The following UNC13B variants were observed in gnomAD, a reference collection of about 807,000 sequenced individuals.
UNC13B encodes unc-13 homolog B, also known as protein unc-13 homolog B.
In UNC13B, 144 loss-of-function variants were observed where a neutral mutation model predicts 211.0. That is an observed-to-expected ratio of 0.68 (90% CI 0.60 to 0.78). The LOEUF is 0.78. Ranked by LOEUF, UNC13B falls within the 30% of genes least tolerant of loss-of-function variation. UNC13B has a pLI of 0.00. For missense variants in UNC13B, 1,777 were observed against 2,002.0 expected (o/e 0.89, Z 2.14); for synonymous variants, 709 against 725.8 (o/e 0.98, Z 0.37).
At chr9:35,358,823 A>G (rs938998252) in intron 11 of UNC13B, among the ~76,000 whole-genome samples, 9 of 150,566 alleles carry the variant, frequency 6.0e-5, no homozygotes, top group African/African-American at 2.2e-4. Flanking sequence ...CCTTCTGAGT[A>G]GACTAGCTGG....
At chr9:35,380,741 C>G in intron 18 of UNC13B, 102 bp downstream of exon 18, 1 of 1,458,664 alleles carries the variant, frequency 6.9e-7, no homozygotes. Context: ...CAAAGCATAC[C>G]TCTATACAGA....
intron 24 of UNC13B, 76 bp from the exon 25 acceptor site, chr9:35,389,770 G>A: frequency 6.5e-7 from 1 of 1,529,500 alleles, no homozygotes; most frequent in East Asian, 2.3e-5. Context: ...GGAAGAGAAA[G>A]AGGATCGTTG....
intron 11 of UNC13B, chr9:35,351,584 T>C: frequency 8.1e-7 from 1 of 1,232,258 alleles, no homozygotes. Flanking sequence ...GGGACCCTCC[T>C]CCAGGCTTTC....
chr9:35,162,768 TC>T (rs1197075447), intron 1 of UNC13B, among the ~76,000 whole-genome samples: 82 of 152,292 alleles, frequency 5.4e-4, no homozygotes, highest in African/African-American at 1.8e-3. Context: ...GCTTGTCTTG[TC>T]CCCTGCCACT....
intron 25 of UNC13B, 109 bp downstream of exon 25, chr9:35,390,082 T>C (rs1835436923): frequency 6.5e-7 from 1 of 1,535,874 alleles, no homozygotes; most frequent in South Asian, 1.2e-5. Context: ...CTCTTCTTCC[T>C]GTCCATCCAT....
In UNC13B at chr9:35,162,096, A is replaced by G; in HGVS notation, c.-188A>G. On this transcript the variant is annotated 5_prime_UTR_variant, in exon 1 of 40. Coordinates refer to ENST00000635942, the MANE Select transcript of UNC13B (RefSeq NM_001371189.2). The stretch of plus-strand genomic sequence containing the variant: ...CCGGCCGGTACTCACCGCTACCCGG[A>G]GTTCGCTCAGACGGTGAGATTTGGG... The G allele has an allele frequency of 2.4e-6, 2 of 824,796 alleles. No homozygotes were observed. The highest frequency in any genetic ancestry group is 3.8e-6 in the Non-Finnish European group (2 of 530,022). 51.1% of individuals were successfully genotyped at this position (824,796 alleles called of 1,614,324 possible).
At position 35,274,482 on chromosome 9, in the gene UNC13B, A is replaced by T. The variant is rs1032642680; in HGVS notation, c.526+15432A>T. Among the ~76,000 whole-genome samples the T allele has an allele frequency of 5.3e-5, 8 of 152,322 alleles. No individual in the cohort carries two copies. In the South Asian group the frequency reaches 8.3e-4, roughly 16 times the overall value. ...CTCACCATAATTGAATTTTGAAGGG[A>T]CAGAACTCAGAAAATCTGTCCTCTG... On this transcript the variant is annotated intron_variant, in intron 7 of 39. Coordinates refer to ENST00000635942, the MANE Select transcript of UNC13B (RefSeq NM_001371189.2).
In UNC13B at chr9:35,384,281, C is replaced by T. The variant is rs773644789; in HGVS notation, c.10842C>T (p.His3614=). The T allele has an allele frequency of 6.2e-7, 1 of 1,614,058 alleles. No homozygotes were observed. The highest frequency in any genetic ancestry group is 2.2e-5 in the East Asian group (1 of 44,888). ...ERFVKLLDQL[H]NSLRIDLSTY... ...TTGTAAAACTGCTGGACCAGCTACA[C>T]AACTCACTGAGGATCGACCTCTCTA... Residue 3614 remains histidine, a synonymous_variant, in exon 22 of 40, where the codon CAC becomes CAT. Transcript: ENST00000635942.
rs1258727140 is a variant in UNC13B, at chr9:35,257,360, TAAATATTTATA to T, written c.469-1621_469-1611del. Among the ~76,000 whole-genome samples the T allele has an allele frequency of 4.7e-3, 14 of 2,972 alleles. No homozygotes were observed. In the South Asian group the frequency reaches 0.28, roughly 60 times the overall value. 1.9% of individuals were successfully genotyped at this position (2,972 alleles called of 152,430 possible). ...ATAAATATTTATAAAAATATTTATA[TAAATATTTATA>T]AAATATTTATATAAATATTTATAAA... On this transcript the variant is annotated intron_variant, in intron 6 of 39. Transcript: ENST00000635942.
chr9:35,353,937 C>G, intron 11 of UNC13B: 1 of 504,914 alleles, frequency 2.0e-6, no homozygotes, highest in Non-Finnish European at 3.1e-6. Flanking sequence ...TTGAATCAGG[C>G]TAAATTACTC....
At chr9:35,343,032 T>C (rs1832110296) in intron 11 of UNC13B, among the ~76,000 whole-genome samples, 1 of 152,260 alleles carries the variant, frequency 6.6e-6, no homozygotes, top group Non-Finnish European at 1.5e-5. Flanking sequence ...CTTGAATATA[T>C]GCACACATGC....
chr9:35,364,491 G>A (rs1833642127), intron 11 of UNC13B: 10 of 1,532,662 alleles, frequency 6.5e-6, no homozygotes, highest in South Asian at 4.8e-5. Context: ...CCTACTTATA[G>A]GACTGACTCT....
rs567292803 is a variant in UNC13B at position 35,302,555 on chromosome 9, A to G, written c.3151A>G (p.Asn1051Asp). ...AAAGTCTGATTCAGTTACAAATATT[A>G]ATAATGATCTGGGGAAATTTGGGAA... ...IIKSDSVTNI[N>D]NDLGKFGNIE... Residue 1051 changes from asparagine (N) to aspartate (D), a missense_variant, in exon 9 of 40, where the codon AAT (asparagine) becomes GAT (aspartate). Asn to Asp is a conservative substitution (Grantham distance 23). Transcript: ENST00000635942. 1.3e-4 allele frequency: 53 copies of G among 398,702 alleles called. 1 individual carries two copies. The South Asian group carries it at 6.5e-3, about 49-fold the overall frequency. The allele number at this position is 398,702 out of a possible 1,614,324, so 24.7% of individuals were successfully genotyped here. A position where few individuals can be genotyped will look rare whatever the true frequency, so the allele number is the denominator to read the frequency against.
intron 3 of UNC13B, among the ~76,000 whole-genome samples, chr9:35,231,536 T>C (rs925982826): frequency 6.6e-6 from 1 of 152,188 alleles, no homozygotes; most frequent in Non-Finnish European, 1.5e-5. Flanking sequence ...AGAATTAGAA[T>C]ACAGTACAAC....
chr9:35,404,038 C>T lies in UNC13B; in HGVS notation c.*5C>T. On this transcript the variant is annotated 3_prime_UTR_variant, in exon 40 of 40. Coordinates refer to ENST00000635942, the MANE Select transcript of UNC13B (RefSeq NM_001371189.2). ...TCCACGGAGGAGGGGAGCTGAACAC[C>T]TTCGACTCCTGTGCCAATCAGGCAG... The T allele has an allele frequency of 1.9e-6, 3 of 1,609,666 alleles. No homozygotes were observed. The highest frequency in any genetic ancestry group is 2.5e-6 in the Non-Finnish European group (3 of 1,177,762).
chr9:35,267,532 G>A (rs1036681149), intron 7 of UNC13B, among the ~76,000 whole-genome samples: 6 of 152,236 alleles, frequency 3.9e-5, no homozygotes, highest in Non-Finnish European at 5.9e-5. Context: ...ATTCAGAGCA[G>A]TCTTCATGGG....
At chr9:35,184,809 GGGGGGGAGAGAGAGA>G (rs1822262501) in intron 1 of UNC13B, among the ~76,000 whole-genome samples, 1 of 112,796 alleles carries the variant, frequency 8.9e-6, no homozygotes, top group East Asian at 2.9e-4. Context: ...AGCGGGGGGG[GGGGGGGAGAGAGAGA>G]GAGAGAGAGG....
chr9:35,332,434 A>T (rs1460201000), intron 11 of UNC13B, among the ~76,000 whole-genome samples: 1 of 152,070 alleles, frequency 6.6e-6, no homozygotes, highest in East Asian at 1.9e-4. Flanking sequence ...CCATCATTCT[A>T]CTAGTCACCC....
intron 1 of UNC13B, among the ~76,000 whole-genome samples, chr9:35,175,968 G>A (rs1821607245): frequency 6.6e-6 from 1 of 151,278 alleles, no homozygotes; most frequent in Non-Finnish European, 1.5e-5. Context: ...AGAGGTTGCG[G>A]TGAGCTGAGA....
Sources: gnomAD v4.1 joint callset for allele counts (sites outside exome capture counted in the v4.1 genomes callset) on GRCh38, gnomAD v4.1.1 for gene constraint, MANE v1.5 for transcripts, NCBI Gene and HGNC (gene_info 2026-07-23, HGNC 2026-07-21) for gene names.